TBC1D22B: variants seen among roughly 807,000 people sequenced by gnomAD.
TBC1D22B encodes the protein TBC1 domain family member 22B.
TBC1D22B carries 32 observed loss-of-function variants against 69.1 expected under a neutral mutation model. The observed-to-expected ratio is 0.46, with a 90% CI of 0.35 to 0.62. TBC1D22B has a LOEUF of 0.62. TBC1D22B is among the 20% of genes least tolerant of loss of function. The pLI is 0.00. For synonymous variants in TBC1D22B, 206 were observed against 229.8 expected (o/e 0.90, Z 0.94); for missense variants, 462 against 630.9 (o/e 0.73, Z 2.87).
At chr6:37,289,073 T>G (rs80145943) in intron 7 of TBC1D22B, among the ~76,000 whole-genome samples, 4,033 of 151,964 alleles carry the variant, frequency 0.027, 90 homozygotes, top group East Asian at 0.062. Context: ...TCTCATAATT[T>G]TTTGTAGAGA....
intron 12 of TBC1D22B, among the ~76,000 whole-genome samples, chr6:37,328,050 A>T (rs760545909): frequency 6.6e-6 from 1 of 151,852 alleles, no homozygotes; most frequent in Non-Finnish European, 1.5e-5. Context: ...GCGGTAGCTC[A>T]TGCCTGTAAT....
At chr6:37,295,874 A>C (rs1429428160) in intron 8 of TBC1D22B, 1 of 170,856 alleles carries the variant, frequency 5.9e-6, no homozygotes, top group African/African-American at 2.4e-5. Flanking sequence ...ATGCTATCAA[A>C]CAGAGTCACA....
intron 7 of TBC1D22B, among the ~76,000 whole-genome samples, chr6:37,287,317 A>G (rs1767036816): frequency 6.6e-6 from 1 of 152,230 alleles, no homozygotes; most frequent in Admixed American, 6.5e-5. Context: ...TGAAGAACCC[A>G]CATCTTAGAA....
At chr6:37,269,179 T>G (rs1431636843) in intron 1 of TBC1D22B, among the ~76,000 whole-genome samples, 1 of 152,224 alleles carries the variant, frequency 6.6e-6, no homozygotes, top group Non-Finnish European at 1.5e-5. Flanking sequence ...CTTCACTGTC[T>G]TTTAGCCCAG....
At chr6:37,307,794 G>A (rs1207066711) in intron 8 of TBC1D22B, among the ~76,000 whole-genome samples, 5 of 152,188 alleles carry the variant, frequency 3.3e-5, no homozygotes, top group East Asian at 1.9e-4. Flanking sequence ...CTCTTGGTCC[G>A]GCCGGTCAGG....
chr6:37,269,742 T>G, intron 2 of TBC1D22B, 92 bp downstream of exon 2: 3 of 1,230,340 alleles, frequency 2.4e-6, no homozygotes, highest in Non-Finnish European at 3.6e-6. Flanking sequence ...ACCTTGACAT[T>G]TTTTAGCGTC....
At chr6:37,320,412 C>T (rs1454486355) in intron 12 of TBC1D22B, among the ~76,000 whole-genome samples, 1 of 152,100 alleles carries the variant, frequency 6.6e-6, no homozygotes, top group Non-Finnish European at 1.5e-5. Flanking sequence ...GAAACAAATA[C>T]ATGTGAGACA....
At chr6:37,301,742 T>C (rs1342383408) in intron 8 of TBC1D22B, among the ~76,000 whole-genome samples, 1 of 152,236 alleles carries the variant, frequency 6.6e-6, no homozygotes, top group African/African-American at 2.4e-5. Context: ...CATCATTTTT[T>C]TGTCTGGGCA....
At chr6:37,269,730 C>G (rs755678195) in intron 2 of TBC1D22B, 80 bp downstream of exon 2, 35 of 1,364,544 alleles carry the variant, frequency 2.6e-5, no homozygotes, top group Non-Finnish European at 3.2e-5. Flanking sequence ...ATGACAGTTT[C>G]CACCTTGACA....
chr6:37,284,186 G>A (rs1766933844), intron 5 of TBC1D22B, 150 bp from the exon 6 acceptor site: 3 of 1,130,448 alleles, frequency 2.7e-6, no homozygotes, highest in Non-Finnish European at 2.5e-6. Context: ...TGAGGAGAGG[G>A]CAAAAAATGG....
At chr6:37,263,594 TG>T (rs1262633888) in intron 1 of TBC1D22B, among the ~76,000 whole-genome samples, 2 of 152,202 alleles carry the variant, frequency 1.3e-5, no homozygotes, top group Admixed American at 6.5e-5. Flanking sequence ...TGTTTTGTTT[TG>T]TTTTTTTGAC....
intron 12 of TBC1D22B, among the ~76,000 whole-genome samples, chr6:37,320,003 A>G (rs908809859): frequency 5.9e-5 from 9 of 152,218 alleles, no homozygotes; most frequent in Admixed American, 6.5e-5. Context: ...AAACATGTCC[A>G]GCCTAGGAGA....
intron 1 of TBC1D22B, among the ~76,000 whole-genome samples, chr6:37,263,669 C>T (rs1246710528): frequency 6.6e-6 from 1 of 152,110 alleles, no homozygotes; most frequent in Non-Finnish European, 1.5e-5. Context: ...CTGCAACTTC[C>T]GCCTCCCGGG....
chr6:37,295,835 AT>A (rs539852582), intron 8 of TBC1D22B: 56 of 174,142 alleles, frequency 3.2e-4, no homozygotes, highest in African/African-American at 9.1e-4. Context: ...ACTAACTTCA[AT>A]TTTGGAAGAA....
intron 10 of TBC1D22B, among the ~76,000 whole-genome samples, chr6:37,314,563 C>T (rs772083715): frequency 5.9e-5 from 9 of 152,108 alleles, no homozygotes; most frequent in African/African-American, 4.8e-5. Context: ...AATGTTAGAA[C>T]GAAAGGACAA....
At chr6:37,299,390 G>A (rs1309367630) in intron 8 of TBC1D22B, among the ~76,000 whole-genome samples, 1 of 152,066 alleles carries the variant, frequency 6.6e-6, no homozygotes, top group Admixed American at 6.6e-5. Flanking sequence ...CGCCCAACAT[G>A]GGAATTTTAT....
intron 7 of TBC1D22B, 91 bp downstream of exon 7, chr6:37,287,163 T>C: frequency 1.0e-6 from 1 of 974,458 alleles, no homozygotes; most frequent in South Asian, 1.7e-5. Context: ...TAATAGTACC[T>C]TATGTTCATA....
chr6:37,321,025 G>A (rs1188449929), intron 12 of TBC1D22B, among the ~76,000 whole-genome samples: 1 of 152,216 alleles, frequency 6.6e-6, no homozygotes. Flanking sequence ...GATTAAAATG[G>A]TTGAATATTG....
At chr6:37,262,032 T>A (rs953924844) in intron 1 of TBC1D22B, among the ~76,000 whole-genome samples, 1 of 4,118 alleles carries the variant, frequency 2.4e-4, no homozygotes, top group East Asian at 0.019. Flanking sequence ...AAAAATCACC[T>A]TTTTTTTTTT....
Sources: allele counts gnomAD v4.1 joint callset (sites outside exome capture counted in the v4.1 genomes callset), GRCh38; gene constraint gnomAD v4.1.1; transcripts MANE v1.5; gene names NCBI Gene and HGNC (gene_info 2026-07-23, HGNC 2026-07-21).